The following KIF26B variants were observed in gnomAD, a reference collection of about 807,000 sequenced individuals.
KIF26B encodes kinesin-like protein KIF26B.
In KIF26B, 63 loss-of-function variants were observed where a neutral mutation model predicts 151.2. The observed-to-expected ratio is 0.42, with a 90% CI of 0.34 to 0.51. The LOEUF (loss-of-function observed/expected upper bound fraction) is 0.51, where lower values mean the gene tolerates loss of function less well. Ranked by LOEUF, KIF26B falls within the 20% of genes least tolerant of loss-of-function variation. The probability of loss-of-function intolerance (pLI) is 0.07; values close to 1 mark genes in which losing one functional copy is unlikely to be tolerated. For synonymous variants in KIF26B, 1,357 were observed against 1,262.1 expected (o/e 1.08, Z -1.59); for missense variants, 2,813 against 2,913.6 (o/e 0.97, Z 0.79).
At chr1:245,469,033 G>C (rs563016843) in intron 4 of KIF26B, among the ~76,000 whole-genome samples, 29 of 152,320 alleles carry the variant, frequency 1.9e-4, no homozygotes, top group Non-Finnish European at 3.4e-4. Context: ...GTGGTTTTGT[G>C]TTTTAACATC....
chr1:245,331,175 C>G (rs757475117), intron 2 of KIF26B, among the ~76,000 whole-genome samples: 13 of 152,024 alleles, frequency 8.6e-5, no homozygotes, highest in Non-Finnish European at 1.6e-4. Flanking sequence ...GAGGCACAGG[C>G]TTCTCATTCC....
chr1:245,527,591 T>G (rs1199144875), intron 4 of KIF26B, among the ~76,000 whole-genome samples: 6 of 123,096 alleles, frequency 4.9e-5, no homozygotes, highest in Non-Finnish European at 9.6e-5. Flanking sequence ...TGGAGCGCAG[T>G]GGCGTGATCT....
chr1:245,425,770 T>C (rs945821056), intron 4 of KIF26B, among the ~76,000 whole-genome samples: 1 of 152,188 alleles, frequency 6.6e-6, no homozygotes, highest in Admixed American at 6.5e-5. Flanking sequence ...GAGCAAGAGT[T>C]TGAAAAATGG....
chr1:245,249,487 CTATTT>C (rs1670399026), intron 2 of KIF26B, among the ~76,000 whole-genome samples: 1 of 104,834 alleles, frequency 9.5e-6, no homozygotes. Flanking sequence ...ATGTGTTAAT[CTATTT>C]TTTTTTTTTT....
At chr1:245,211,787 A>G (rs761431304) in intron 2 of KIF26B, among the ~76,000 whole-genome samples, 4 of 152,368 alleles carry the variant, frequency 2.6e-5, no homozygotes, top group Non-Finnish European at 4.4e-5. Flanking sequence ...ACAGGGGAAG[A>G]ACTTTCTAGC....
chr1:245,655,842 T>C (rs2044067177), intron 10 of KIF26B, among the ~76,000 whole-genome samples: 1 of 152,176 alleles, frequency 6.6e-6, no homozygotes, highest in Non-Finnish European at 1.5e-5. Context: ...CGTTCAGAGA[T>C]TGTCAAGGCC....
intron 4 of KIF26B, among the ~76,000 whole-genome samples, chr1:245,432,392 G>C (rs1021708484): frequency 3.3e-5 from 5 of 152,174 alleles, no homozygotes; most frequent in Admixed American, 1.3e-4. Flanking sequence ...GGAGTACCTG[G>C]TTGTCATTTC....
chr1:245,407,852 G>A (rs1460835871), intron 3 of KIF26B, among the ~76,000 whole-genome samples: 1 of 152,148 alleles, frequency 6.6e-6, no homozygotes, highest in Non-Finnish European at 1.5e-5. Flanking sequence ...TGGGGAGAGA[G>A]ACTGACAACA....
intron 9 of KIF26B, among the ~76,000 whole-genome samples, chr1:245,642,075 G>A (rs1276071857): frequency 6.6e-6 from 1 of 152,132 alleles, no homozygotes; most frequent in Non-Finnish European, 1.5e-5. Context: ...ATGGCTTTCT[G>A]GCCCAAACGG....
intron 10 of KIF26B, among the ~76,000 whole-genome samples, chr1:245,662,772 C>T (rs1558257802): frequency 1.4e-5 from 1 of 71,496 alleles, no homozygotes; most frequent in African/African-American, 5.4e-5. Flanking sequence ...CACACACACA[C>T]ACATGCATGC....
At chr1:245,407,241 G>T (rs919365557) in intron 3 of KIF26B, among the ~76,000 whole-genome samples, 1 of 152,144 alleles carries the variant, frequency 6.6e-6, no homozygotes, top group Non-Finnish European at 1.5e-5. Context: ...ACCGGGGCAG[G>T]GTGGGGCCCT....
chr1:245,406,202 AAG>A lies in KIF26B; in HGVS notation c.1000-13372_1000-13371del, dbSNP rs1036694317. Among the ~76,000 whole-genome samples, 4 of 152,242 alleles carry A rather than the reference AAG, an allele frequency of 2.6e-5. No individual in the cohort carries two copies. In the East Asian group the frequency reaches 5.8e-4, roughly 22 times the overall value. On this transcript the variant is annotated intron_variant, in intron 3 of 14. Transcript: ENST00000407071. ...TCCCCACTCTGGGGAAATTGAGGCAAAGAGAGGGGAGATGAGTCGCCCATAGC... is the reference window on the plus strand; with the variant it reads ...TCCCCACTCTGGGGAAATTGAGGCAAAGAGGGGAGATGAGTCGCCCATAGC...
At chr1:245,589,796 G>A (rs1327862620) in intron 5 of KIF26B, among the ~76,000 whole-genome samples, 1 of 152,182 alleles carries the variant, frequency 6.6e-6, no homozygotes, top group African/African-American at 2.4e-5. Flanking sequence ...CTAGGTGAAA[G>A]GCCAGAAGCA....
At chr1:245,344,721 C>T (rs1196815439) in intron 2 of KIF26B, among the ~76,000 whole-genome samples, 2 of 151,848 alleles carry the variant, frequency 1.3e-5, no homozygotes, top group Admixed American at 6.6e-5. Context: ...TCTGCTTAGA[C>T]GCACAGATAA....
rs371240852 is a variant in KIF26B, at chr1:245,221,228, AC to A, written c.465+64546del. Among the ~76,000 whole-genome samples, 1,090 of 152,302 alleles carry A rather than the reference AC, an allele frequency of 7.2e-3. 5 individuals carry two copies. Among genetic ancestry groups the A allele is most frequent in the Non-Finnish European group, 9.8e-3 (666 of 68,026 alleles). ...GCAAACAGGGGAGCTAATGTCACCA[AC>A]AAAACTTGTGAGGTCAACCCAAAGA... On this transcript the variant is annotated intron_variant, in intron 2 of 14. Transcript: ENST00000407071.
intron 2 of KIF26B, among the ~76,000 whole-genome samples, chr1:245,302,499 G>T (rs996560012): frequency 2.0e-5 from 3 of 152,112 alleles, no homozygotes; most frequent in African/African-American, 7.2e-5. Flanking sequence ...GCTCAAGATG[G>T]GTGGTTCCTG....
intron 5 of KIF26B, among the ~76,000 whole-genome samples, chr1:245,576,064 GA>G (rs1294608126): frequency 6.6e-6 from 1 of 152,106 alleles, no homozygotes; most frequent in Admixed American, 6.5e-5. Flanking sequence ...AGGCTCTTCA[GA>G]CCCTGACCTT....
chr1:245,687,456 C>G lies in KIF26B; in HGVS notation c.4473C>G (p.Ser1491Arg). ...AGCCCAGTCCGGGAGACAGGCTCAG[C>G]AGCAGCAGCGGAGAGGTGTCGGCCT... ...DGKPSPGDRL[S>R]SSSGEVSASP... Residue 1491 changes from serine to arginine, a missense_variant, in exon 12 of 15, where the codon AGC becomes AGG. This residue lies in a region of KIF26B where 2,060 missense variants were observed against 2,088.6 expected (regional missense o/e 0.99). Coordinates refer to ENST00000407071, the MANE Select transcript of KIF26B (RefSeq NM_018012.4). The surrounding 1 kb of genome is among the most constrained non-coding windows in gnomAD (Gnocchi z 4.9). 1 of 1,588,528 alleles carries G rather than the reference C, an allele frequency of 6.3e-7. No homozygotes were observed.
chr1:245,583,822 G>A (rs1045922358), intron 5 of KIF26B, among the ~76,000 whole-genome samples: 3 of 152,166 alleles, frequency 2.0e-5, no homozygotes, highest in African/African-American at 7.2e-5. Context: ...CCTCTACCCT[G>A]CCCAGTGAGG....
Sources: allele counts gnomAD v4.1 joint callset (sites outside exome capture counted in the v4.1 genomes callset), GRCh38; gene constraint gnomAD v4.1.1; regional missense constraint gnomAD v4.1.1; non-coding constraint Gnocchi (gnomAD v3.1); transcripts MANE v1.5; gene names NCBI Gene and HGNC (gene_info 2026-07-23, HGNC 2026-07-21).